Variants in PDE10A observed in about 807,000 individuals in gnomAD.
PDE10A encodes phosphodiesterase 10A, also known as cAMP and cAMP-inhibited cGMP 3',5'-cyclic phosphodiesterase 10A.
PDE10A carries 39 observed loss-of-function variants against 97.7 expected under a neutral mutation model. That is an observed-to-expected ratio of 0.40 (90% confidence interval 0.31 to 0.52). The LOEUF (loss-of-function observed/expected upper bound fraction) is 0.52. PDE10A is among the 20% of genes least tolerant of loss of function. PDE10A has a pLI of 0.56. For missense variants in PDE10A, 731 were observed against 1,047.8 expected (o/e 0.70, Z 4.17); for synonymous variants, 371 against 376.8 (o/e 0.98, Z 0.18).
intron 1 of PDE10A, among the ~76,000 whole-genome samples, chr6:165,639,034 GGGAA>G (rs1287416550): frequency 6.6e-6 from 1 of 151,542 alleles, no homozygotes; most frequent in East Asian, 1.9e-4. Context: ...AAGGAAGGGA[GGGAA>G]GGAAGGAGGG....
chr6:165,678,299 TTGTGTGTGCA>T (rs1423332452), intron 1 of PDE10A, among the ~76,000 whole-genome samples: 3 of 23,700 alleles, frequency 1.3e-4, no homozygotes, highest in Non-Finnish European at 2.8e-4. Flanking sequence ...GTGTGTGCAG[TTGTGTGTGCA>T]TGTGTGTGCA....
At chr6:165,694,539 G>A (rs538900155) in intron 1 of PDE10A, among the ~76,000 whole-genome samples, 1 of 152,060 alleles carries the variant, frequency 6.6e-6, no homozygotes, top group Non-Finnish European at 1.5e-5. Context: ...CACAGGTGGG[G>A]CAGGAGAGCA....
chr6:165,463,347 T>C (rs989802905), intron 3 of PDE10A, among the ~76,000 whole-genome samples: 2 of 152,226 alleles, frequency 1.3e-5, no homozygotes, highest in African/African-American at 2.4e-5. Flanking sequence ...AAAAAGCTTC[T>C]AGAAGGACAA....
chr6:165,857,996 G>C (rs1780796283), intron 1 of PDE10A, among the ~76,000 whole-genome samples: 1 of 152,132 alleles, frequency 6.6e-6, no homozygotes, highest in African/African-American at 2.4e-5. Flanking sequence ...TATTTGTCCT[G>C]TTTGTTTGGA....
chr6:165,866,619 A>G (rs1390187567), intron 1 of PDE10A, among the ~76,000 whole-genome samples: 1 of 151,736 alleles, frequency 6.6e-6, no homozygotes, highest in African/African-American at 2.4e-5. Flanking sequence ...ACCGCAAATT[A>G]TAGACAAACT....
chr6:165,482,349 G>T lies in PDE10A; in HGVS notation c.995-6C>A. 6.3e-7 allele frequency: 1 copy of T among 1,598,912 alleles called. No homozygotes were observed. The highest frequency in any genetic ancestry group is 8.6e-7 in the Non-Finnish European group (1 of 1,166,448). ...TTCCTTAGGAGCTGATTCATCTGGG[G>T]ATAGAGAAGGAAGAGGGAAAAACAC... On this transcript the variant is annotated splice_region_variant and splice_polypyrimidine_tract_variant and intron_variant, in intron 2 of 21. Coordinates refer to ENST00000539869, the MANE Select transcript of PDE10A (RefSeq NM_001385079.1).
intron 2 of PDE10A, among the ~76,000 whole-genome samples, chr6:165,482,970 CA>C (rs1202161322): frequency 6.6e-6 from 1 of 152,152 alleles, no homozygotes; most frequent in Admixed American, 6.6e-5. Context: ...AAGGCTCTCC[CA>C]CTGGGGCTGG....
intron 1 of PDE10A, among the ~76,000 whole-genome samples, chr6:165,610,905 A>C (rs1741040869): frequency 6.6e-6 from 1 of 152,106 alleles, no homozygotes; most frequent in Non-Finnish European, 1.5e-5. Flanking sequence ...GTTCTCTGCA[A>C]ATTACCTCAC....
At chr6:165,890,238 T>C (rs1781754025) in intron 1 of PDE10A, among the ~76,000 whole-genome samples, 1 of 152,132 alleles carries the variant, frequency 6.6e-6, no homozygotes, top group Non-Finnish European at 1.5e-5. Flanking sequence ...TTTCCCCACG[T>C]GCGGAGCCTG....
At chr6:165,353,953 A>G (rs964278091) in intron 18 of PDE10A, among the ~76,000 whole-genome samples, 1 of 152,174 alleles carries the variant, frequency 6.6e-6, no homozygotes, top group Non-Finnish European at 1.5e-5. Context: ...ACAGTGGGGG[A>G]AGTTGTCCAT....
intron 1 of PDE10A, among the ~76,000 whole-genome samples, chr6:165,863,917 G>T (rs1197476061): frequency 6.6e-6 from 1 of 152,210 alleles, no homozygotes; most frequent in Non-Finnish European, 1.5e-5. Flanking sequence ...CCAACTTGAA[G>T]CATGGCTGTA....
intron 2 of PDE10A, among the ~76,000 whole-genome samples, chr6:165,502,419 G>T (rs1780944367): frequency 6.6e-6 from 1 of 152,110 alleles, no homozygotes; most frequent in Admixed American, 6.5e-5. Context: ...ATACTAAGAG[G>T]ATGAATACTC....
chr6:165,416,881 A>G (rs1261496581), intron 11 of PDE10A, among the ~76,000 whole-genome samples: 1 of 152,244 alleles, frequency 6.6e-6, no homozygotes, highest in Non-Finnish European at 1.5e-5. Context: ...AAATTTTAAA[A>G]TAATCAAAAT....
intron 2 of PDE10A, among the ~76,000 whole-genome samples, chr6:165,513,915 T>G (rs1026164975): frequency 6.6e-6 from 1 of 152,172 alleles, no homozygotes; most frequent in African/African-American, 2.4e-5. Context: ...TTGAATGTTC[T>G]CCATAAAAGA....
At position 165,343,353 on chromosome 6, in the gene PDE10A, CCTCA is replaced by C. The variant is rs780287279; in HGVS notation, c.2895+34_2895+37del. 25 of 1,332,032 alleles carry C rather than the reference CCTCA, an allele frequency of 1.9e-5. No homozygotes were observed. The Middle Eastern group carries it at 5.4e-4, about 29-fold the overall frequency. The allele number at this position is 1,332,032 out of a possible 1,614,324, so 82.5% of individuals were successfully genotyped here. On this transcript the variant is annotated intron_variant, in intron 19 of 21. Transcript: ENST00000539869. ...CAATTGATCCATACGTTTTATTTCT[CCTCA>C]CTATCTATGTCAATATAAGAATCAA...
Position 165,435,307 on chromosome 6 carries a change from G to C in PDE10A, c.1265C>G (p.Thr422Ser), listed in dbSNP as rs761260964. ...ATAAGCAGAGACGGTGGTGCCCTGAGTGATGGGCCCAGCAGGGATGAGGCG... is the reference window on the plus strand; with the variant it reads ...ATAAGCAGAGACGGTGGTGCCCTGACTGATGGGCCCAGCAGGGATGAGGCG... ...KPRLIPAGPI[T>S]QGTTVSAYVA... The change falls in exon 6 of 22, where the codon ACT becomes AGT. Residue 422 changes from threonine to serine, a missense_variant. Physicochemically the swap from Thr to Ser is moderately conservative, Grantham distance 58. Coordinates refer to ENST00000539869, the MANE Select transcript of PDE10A (RefSeq NM_001385079.1). 4.3e-6 allele frequency: 7 copies of C among 1,613,750 alleles called. No individual in the cohort carries two copies. The highest frequency in any genetic ancestry group is 5.9e-6 in the Non-Finnish European group (7 of 1,179,670).
rs369481067 is a variant in PDE10A at position 165,700,690 on chromosome 6, T to C, written c.-614-157122A>G. On this transcript the variant is annotated intron_variant, in intron 1 of 19. Coordinates refer to the PDE10A transcript ENST00000366882. ...GGTAGTCACATTTGAACTAAAGATT[T>C]GTTACAGAAGTATTGCACCACAAGG... is the stretch of plus-strand genomic sequence containing the variant. Among the ~76,000 whole-genome samples, 5 of 152,320 alleles carry C rather than the reference T, an allele frequency of 3.3e-5. No homozygotes were observed. The East Asian group carries it at 7.7e-4, about 23-fold the overall frequency.
At chr6:165,488,248 T>C (rs1000287224) in intron 2 of PDE10A, among the ~76,000 whole-genome samples, 1 of 152,168 alleles carries the variant, frequency 6.6e-6, no homozygotes, top group African/African-American at 2.4e-5. Flanking sequence ...TCTATGCTTG[T>C]TAAAGAGAAA....
chr6:165,757,698 T>A (rs953273746), intron 1 of PDE10A, among the ~76,000 whole-genome samples: 15 of 152,240 alleles, frequency 9.9e-5, no homozygotes, highest in African/African-American at 1.4e-4. Context: ...TATACGTCTA[T>A]AGTATGTCTT....
Sources: gnomAD v4.1 joint callset for allele counts (sites outside exome capture counted in the v4.1 genomes callset) on GRCh38, gnomAD v4.1.1 for gene constraint, MANE v1.5 for transcripts, NCBI Gene and HGNC (gene_info 2026-07-23, HGNC 2026-07-21) for gene names.